The following ERAP1 variants were observed in gnomAD, a reference collection of about 807,000 sequenced individuals.
The protein encoded by ERAP1 is endoplasmic reticulum aminopeptidase 1.
In ERAP1, 86 loss-of-function variants were observed where a neutral mutation model predicts 103.7. The observed-to-expected ratio is 0.83, with a 90% CI of 0.70 to 0.99. The LOEUF (loss-of-function observed/expected upper bound fraction) is 0.99. ERAP1 is among the 50% of genes least tolerant of loss of function. The probability of loss-of-function intolerance (pLI) is 0.00; values close to 1 mark genes in which losing one functional copy is unlikely to be tolerated. For synonymous variants in ERAP1, 398 were observed against 402.4 expected (o/e 0.99, Z 0.13); for missense variants, 1,009 against 1,128.4 (o/e 0.89, Z 1.52).
Position 96,783,134 on chromosome 5 carries a change from G to A in ERAP1, c.2202C>T (p.Leu734=), listed in dbSNP as rs201922813. The change falls in exon 15 of 19, where the codon CTC becomes CTT. Residue 734 remains leucine (L), a synonymous_variant. Coordinates refer to ENST00000443439, the MANE Select transcript of ERAP1 (RefSeq NM_001040458.3). ...ACGGCTGATAGTTGTGCACACAGGC[G>A]AGGAGTAGTAGTTGACTCCGCAGCA... ...ERMLRSQLLL[L]ACVHNYQPCV... is the part of the protein sequence containing the mutation. 1.5e-5 allele frequency: 24 copies of A among 1,614,150 alleles called. No individual in the cohort carries two copies. Among genetic ancestry groups the A allele is most frequent in the South Asian group, 1.2e-4 (11 of 91,080 alleles).
chr5:96,919,480 G>A, the ERAP1 span: 1 of 152,248 alleles, frequency 6.6e-6, no homozygotes, highest in African/African-American at 2.4e-5. Context: ...ATAGTGAAAT[G>A]TGTATGAGTT....
intron 18 of ERAP1, 61 bp from the exon 19 acceptor site, chr5:96,776,612 T>A: frequency 6.3e-7 from 1 of 1,583,450 alleles, no homozygotes. Flanking sequence ...GATGTAACTT[T>A]AGTTAAAACT....
At chr5:96,909,916 A>G in the ERAP1 span, 1 of 671,580 alleles carries the variant, frequency 1.5e-6, no homozygotes, top group Non-Finnish European at 2.5e-6. Context: ...CTCACATTGT[A>G]AGTGCTATGT....
chr5:96,876,436 T>C, the ERAP1 span: 1 of 152,332 alleles, frequency 6.6e-6, no homozygotes, highest in Non-Finnish European at 1.5e-5. Flanking sequence ...CTTACTGTAC[T>C]CAGGAAGCAT....
chr5:96,835,659 C>T, the ERAP1 span, among the ~76,000 whole-genome samples: 1 of 152,060 alleles, frequency 6.6e-6, no homozygotes, highest in Non-Finnish European at 1.5e-5. Context: ...TCTGTATAAC[C>T]ATGTTTTACT....
At chr5:96,899,541 CCTTAA>C in the ERAP1 span, among the ~76,000 whole-genome samples, 3 of 152,062 alleles carry the variant, frequency 2.0e-5, no homozygotes, top group Admixed American at 2.0e-4. Flanking sequence ...TTGCAGTTGC[CCTTAA>C]GTACTGGTTA....
chr5:96,851,840 G>A, the ERAP1 span, among the ~76,000 whole-genome samples: 2 of 152,120 alleles, frequency 1.3e-5, no homozygotes, highest in Admixed American at 6.6e-5. Flanking sequence ...ACTGAAAGTG[G>A]CAATAAAGGA....
chr5:96,864,143 T>C, the ERAP1 span, among the ~76,000 whole-genome samples: 1 of 152,176 alleles, frequency 6.6e-6, no homozygotes, highest in Non-Finnish European at 1.5e-5. Context: ...CAATACTTAT[T>C]ATGGCACTTT....
chr5:96,913,599 T>C, the ERAP1 span: 2 of 963,474 alleles, frequency 2.1e-6, no homozygotes, highest in African/African-American at 3.3e-5. Context: ...ACTTTGAAAC[T>C]CCCTAGCCCA....
At chr5:96,868,208 G>C in the ERAP1 span, among the ~76,000 whole-genome samples, 2 of 152,150 alleles carry the variant, frequency 1.3e-5, no homozygotes, top group Non-Finnish European at 2.9e-5. Flanking sequence ...CCCTCCATGT[G>C]CACAGAAGCC....
chr5:96,789,192 A>G (rs968207273), intron 10 of ERAP1, among the ~76,000 whole-genome samples: 6 of 152,220 alleles, frequency 3.9e-5, no homozygotes, highest in African/African-American at 1.4e-4. Context: ...GAAATGATTT[A>G]AGAAGTAGTA....
chr5:96,887,388 C>T, the ERAP1 span, among the ~76,000 whole-genome samples: 12 of 151,256 alleles, frequency 7.9e-5, no homozygotes, highest in East Asian at 1.8e-3. Flanking sequence ...GCAATCTCCG[C>T]CTCCTGGATT....
chr5:96,912,377 A>G, the ERAP1 span, among the ~76,000 whole-genome samples: 1 of 151,940 alleles, frequency 6.6e-6, no homozygotes, highest in Admixed American at 6.6e-5. Flanking sequence ...TCAACTTTCT[A>G]TTTTCACCTC....
the ERAP1 span, chr5:96,879,813 G>A: frequency 1.2e-6 from 2 of 1,614,158 alleles, no homozygotes; most frequent in Non-Finnish European, 1.7e-6. Context: ...GTGCCATCTA[G>A]TTATCACTTC....
At chr5:96,788,212 T>C (rs189991651) in intron 11 of ERAP1, among the ~76,000 whole-genome samples, 30 of 152,322 alleles carry the variant, frequency 2.0e-4, no homozygotes, top group Admixed American at 1.2e-3. Flanking sequence ...CTAGGCACTA[T>C]TGTAATCTAG....
chr5:96,862,943 T>C, the ERAP1 span, among the ~76,000 whole-genome samples: 1 of 152,214 alleles, frequency 6.6e-6, no homozygotes, highest in African/African-American at 2.4e-5. Flanking sequence ...CTTTCAGAGC[T>C]ACCTCGTTTA....
chr5:96,792,204 GA>G lies in ERAP1; in HGVS notation c.1189-13del, dbSNP rs1776809237. ...AAGAAATAATCTCCCTATTGAGATA[GA>G]AAAAAGAAAACATCACCTATGATTT... On this transcript the variant is annotated splice_polypyrimidine_tract_variant and intron_variant, in intron 7 of 18. Coordinates refer to ENST00000443439, the MANE Select transcript of ERAP1 (RefSeq NM_001040458.3). 3.1e-6 allele frequency: 5 copies of G among 1,611,096 alleles called. No individual in the cohort carries two copies. The highest frequency in any genetic ancestry group is 3.3e-5 in the Admixed American group (2 of 59,888).
chr5:96,878,167 T>C, the ERAP1 span, among the ~76,000 whole-genome samples: 1 of 152,178 alleles, frequency 6.6e-6, no homozygotes, highest in African/African-American at 2.4e-5. Flanking sequence ...ACAAAGGTAG[T>C]AAATTCAGTT....
the ERAP1 span, among the ~76,000 whole-genome samples, chr5:96,900,785 C>T: frequency 6.6e-6 from 1 of 152,058 alleles, no homozygotes. Context: ...CAACCAATTC[C>T]TCTGCCTCAG....
Sources: allele counts gnomAD v4.1 joint callset (sites outside exome capture counted in the v4.1 genomes callset), GRCh38; gene constraint gnomAD v4.1.1; transcripts MANE v1.5; gene names NCBI Gene and HGNC (gene_info 2026-07-23, HGNC 2026-07-21).